The following SZRD1 variants were observed in gnomAD, a reference collection of about 807,000 sequenced individuals.
The protein encoded by SZRD1 is SUZ RNA binding domain containing 1.
In SZRD1, 7 loss-of-function variants were observed where a neutral mutation model predicts 17.6. The observed-to-expected ratio is 0.40, with a 90% CI of 0.23 to 0.75. SZRD1 has a LOEUF of 0.75. SZRD1 is among the 30% of genes least tolerant of loss of function. The pLI is 0.38. For synonymous variants in SZRD1, 77 were observed against 77.9 expected (o/e 0.99, Z 0.06); for missense variants, 178 against 201.8 (o/e 0.88, Z 0.71).
chr1:16,389,750 T>C (rs1330823447), intron 1 of SZRD1, among the ~76,000 whole-genome samples: 1 of 152,224 alleles, frequency 6.6e-6, no homozygotes, highest in Non-Finnish European at 1.5e-5. Context: ...GGGCTGAGAA[T>C]AGTTATTTTC....
At chr1:16,384,435 A>T (rs1464340426) in intron 1 of SZRD1, among the ~76,000 whole-genome samples, 1 of 151,198 alleles carries the variant, frequency 6.6e-6, no homozygotes, top group African/African-American at 2.4e-5. Flanking sequence ...TTTTTATCTG[A>T]TAGTTTTAGA....
chr1:16,379,068 G>A (rs1007016022), intron 1 of SZRD1, among the ~76,000 whole-genome samples: 1 of 152,008 alleles, frequency 6.6e-6, no homozygotes, highest in Middle Eastern at 3.4e-3. Context: ...CCACCTGCCT[G>A]CCAGTGTCCT....
chr1:16,370,450 C>T (rs2082894554), intron 1 of SZRD1, among the ~76,000 whole-genome samples: 1 of 151,934 alleles, frequency 6.6e-6, no homozygotes, highest in African/African-American at 2.4e-5. Context: ...TGATCTCGAA[C>T]TCCTGGCCTC....
chr1:16,377,571 A>G (rs1048623924), intron 1 of SZRD1, among the ~76,000 whole-genome samples: 5 of 151,790 alleles, frequency 3.3e-5, no homozygotes, highest in Admixed American at 2.0e-4. Context: ...TCAAAAAAAA[A>G]AAAAAAAAAA....
intron 1 of SZRD1, among the ~76,000 whole-genome samples, chr1:16,371,524 C>G (rs2082914164): frequency 6.7e-6 from 1 of 149,466 alleles, no homozygotes; most frequent in African/African-American, 2.5e-5. Context: ...TGCAGTGGCG[C>G]AATCTCGGCT....
At position 16,393,128 on chromosome 1, in the gene SZRD1, T is replaced by C. The variant is rs1207407680; in HGVS notation, c.102-100T>C. 6.8e-7 allele frequency: 1 copy of C among 1,471,954 alleles called. No individual in the cohort carries two copies. Among genetic ancestry groups the C allele is most frequent in the Non-Finnish European group, 9.3e-7 (1 of 1,071,298 alleles). 91.2% of individuals were successfully genotyped at this position (1,471,954 alleles called of 1,614,324 possible). A position where few individuals can be genotyped will look rare whatever the true frequency, so the allele number is the denominator to read the frequency against. On this transcript the variant is annotated intron_variant, in intron 2 of 3. Transcript: ENST00000401088. This position sits in a 1 kb window ranked among gnomAD's most constrained non-coding sequence, Gnocchi z 5.6. ...CCAGAGAATCATGCATGGGTAGAAT[T>C]AGGGAGGGAGAGGAAAGTGATGAGA...
At chr1:16,382,968 C>A (rs189336111) in intron 1 of SZRD1, among the ~76,000 whole-genome samples, 3 of 151,760 alleles carry the variant, frequency 2.0e-5, no homozygotes, top group Non-Finnish European at 4.4e-5. Flanking sequence ...CGGGTTCTAG[C>A]GATTCTCCTG....
chr1:16,372,279 C>T (rs181274430), intron 1 of SZRD1, among the ~76,000 whole-genome samples: 2 of 152,124 alleles, frequency 1.3e-5, no homozygotes, highest in Admixed American at 6.5e-5. Context: ...TCAAGACCAG[C>T]GTGGCCAACA....
At chr1:16,373,579 CAAA>C (rs551574637) in intron 1 of SZRD1, among the ~76,000 whole-genome samples, 5 of 61,156 alleles carry the variant, frequency 8.2e-5, no homozygotes, top group African/African-American at 1.6e-4. Context: ...AACTCCGTCT[CAAA>C]AAAAAAAAAA....
intron 1 of SZRD1, among the ~76,000 whole-genome samples, chr1:16,372,976 A>G (rs985528359): frequency 6.6e-6 from 1 of 152,184 alleles, no homozygotes; most frequent in African/African-American, 2.4e-5. Flanking sequence ...GATCAGTTGA[A>G]TTAAGCAGTG....
chr1:16,376,716 G>C (rs1236128085), intron 1 of SZRD1, among the ~76,000 whole-genome samples: 1 of 147,394 alleles, frequency 6.8e-6, no homozygotes, highest in African/African-American at 2.5e-5. Context: ...TGAGGCAGGA[G>C]AATCGCTTGA....
rs2085246005 is a variant in SZRD1, at chr1:16,393,227, G to A, written c.102-1G>A. The A allele has an allele frequency of 1.2e-6, 2 of 1,613,492 alleles. No homozygotes were observed. Among genetic ancestry groups the A allele is most frequent in the African/African-American group, 1.3e-5 (1 of 74,902 alleles). ...GTGAAGCTGTGTTTGCTCTTTGTCA[G>A]CAGGAAATCCAAATCTCCTCCCAAA... On this transcript the variant is annotated splice_acceptor_variant, in intron 2 of 3. Transcript: ENST00000401088. LOFTEE classifies it high-confidence loss of function. This position sits in a 1 kb window ranked among gnomAD's most constrained non-coding sequence, Gnocchi z 5.6.
At chr1:16,381,572 GA>G (rs2083104678) in intron 1 of SZRD1, among the ~76,000 whole-genome samples, 1 of 133,228 alleles carries the variant, frequency 7.5e-6, no homozygotes, top group South Asian at 2.4e-4. Context: ...AAAAAAAAAA[GA>G]TCAGAGAAGG....
intron 1 of SZRD1, among the ~76,000 whole-genome samples, chr1:16,386,563 T>C (rs2085122904): frequency 6.6e-6 from 1 of 152,154 alleles, no homozygotes; most frequent in African/African-American, 2.4e-5. Flanking sequence ...GAGAAGAGAA[T>C]AGACTGACTC....
intron 1 of SZRD1, among the ~76,000 whole-genome samples, chr1:16,382,273 C>T (rs574122573): frequency 2.0e-5 from 3 of 151,636 alleles, no homozygotes; most frequent in Admixed American, 6.6e-5. Context: ...CTGCAGCCTC[C>T]GCCTCCCGGG....
intron 1 of SZRD1, among the ~76,000 whole-genome samples, chr1:16,375,547 A>G (rs189424399): frequency 2.6e-5 from 4 of 151,868 alleles, no homozygotes; most frequent in Non-Finnish European, 5.9e-5. Flanking sequence ...TCCTGAGCTC[A>G]GGCAGTCTGC....
chr1:16,388,263 C>G (rs1291861727), intron 1 of SZRD1, among the ~76,000 whole-genome samples: 1 of 152,040 alleles, frequency 6.6e-6, no homozygotes, highest in East Asian at 1.9e-4. Context: ...CCACGCCCAG[C>G]TAATTTTTGT....
In SZRD1 at chr1:16,393,435, G is replaced by T; in HGVS notation, c.309G>T (p.Leu103=). 1 of 1,614,020 alleles carries T rather than the reference G, an allele frequency of 6.2e-7. No homozygotes were observed. The highest frequency in any genetic ancestry group is 8.5e-7 in the Non-Finnish European group (1 of 1,179,988). Reference sequence around the variant, plus strand: ...ACGCCGAGGCCCGGAAGCGGATCCTGGGCAGCGCCAGCCCCGAGGAGGAGC... The same window carrying T: ...ACGCCGAGGCCCGGAAGCGGATCCTTGGCAGCGCCAGCCCCGAGGAGGAGC... ...AEYAEARKRI[L]GSASPEEEQE... is the part of the protein sequence containing the mutation. Residue 103 remains leucine (L), a synonymous_variant, in exon 3 of 4, where the codon CTG becomes CTT. Coordinates refer to ENST00000401088, the MANE Select transcript of SZRD1 (RefSeq NM_001114600.3). The surrounding 1 kb of genome is among the most constrained non-coding windows in gnomAD (Gnocchi z 5.6).
rs57654464 is a variant in SZRD1 at position 16,389,469 on chromosome 1, A to ATT, written c.52-1893_52-1892dup. 8.5e-4 allele frequency among the ~76,000 whole-genome samples: 122 copies of ATT among 143,430 alleles called. 2 individuals carry two copies. Among genetic ancestry groups the ATT allele is most frequent in the East Asian group, 1.6e-3 (8 of 4,936 alleles). 94.1% of individuals were successfully genotyped at this position (143,430 alleles called of 152,430 possible). A position where few individuals can be genotyped will look rare whatever the true frequency, so the allele number is the denominator to read the frequency against. ...AGGCGCCCGCCACAACGCCTGGCTA[A>ATT]TTTTTTTTTTTTTTGTATGTTTAGT... On this transcript the variant is annotated intron_variant, in intron 1 of 3. Transcript: ENST00000401088.
Sources: gnomAD v4.1 joint callset for allele counts (sites outside exome capture counted in the v4.1 genomes callset) on GRCh38, gnomAD v4.1.1 for gene constraint, Gnocchi (gnomAD v3.1) non-coding constraint, MANE v1.5 for transcripts, NCBI Gene and HGNC (gene_info 2026-07-23, HGNC 2026-07-21) for gene names.